Variants in CENPP observed in about 807,000 individuals in gnomAD.
CENPP encodes the protein centromere protein P.
CENPP carries 24 observed loss-of-function variants against 35.6 expected under a neutral mutation model. That is an observed-to-expected ratio of 0.67 (90% CI 0.49 to 0.95). CENPP has a LOEUF of 0.95. Among genes scored for constraint, CENPP ranks in the 40% least tolerant of loss-of-function variants. The pLI, the probability that CENPP is intolerant of heterozygous loss-of-function variation, is 0.00. For missense variants in CENPP, 332 were observed against 345.3 expected, an observed-to-expected ratio of 0.96 and a Z score of 0.31; for synonymous variants, 120 against 125.5, an observed-to-expected ratio of 0.96 and a Z score of 0.29.
intron 5 of CENPP, among the ~76,000 whole-genome samples, chr9:92,513,430 G>A (rs765300697): frequency 1.4e-4 from 21 of 152,170 alleles, no homozygotes; most frequent in Admixed American, 2.6e-4. Flanking sequence ...TACCATATCC[G>A]CAGTCCCACT....
intron 5 of CENPP, among the ~76,000 whole-genome samples, chr9:92,554,444 A>G (rs1408769825): frequency 1.3e-5 from 2 of 152,068 alleles, no homozygotes; most frequent in Non-Finnish European, 2.9e-5. Flanking sequence ...CACCCTCCCA[A>G]AGTGCTGGGA....
intron 5 of CENPP, among the ~76,000 whole-genome samples, chr9:92,426,100 C>T (rs1280423594): frequency 1.3e-5 from 2 of 151,978 alleles, no homozygotes; most frequent in Non-Finnish European, 2.9e-5. Context: ...TTGGCAGTGT[C>T]TATCTAGGAG....
At chr9:92,485,926 G>A (rs934856150) in intron 5 of CENPP, among the ~76,000 whole-genome samples, 2 of 152,202 alleles carry the variant, frequency 1.3e-5, no homozygotes, top group African/African-American at 4.8e-5. Context: ...CAAAAAAGTA[G>A]GCAGTTTGAA....
At chr9:92,596,396 AAGCCCTGG>A (rs761095956) in intron 5 of CENPP, among the ~76,000 whole-genome samples, 36 of 147,506 alleles carry the variant, frequency 2.4e-4, no homozygotes, top group Non-Finnish European at 1.3e-4. Flanking sequence ...GGGCCAAGCC[AAGCCCTGG>A]AGTTCAAGGC....
chr9:92,381,353 G>A (rs920844377), intron 5 of CENPP, among the ~76,000 whole-genome samples: 3 of 151,300 alleles, frequency 2.0e-5, no homozygotes, highest in Middle Eastern at 3.4e-3. Context: ...GTGCAGTCAC[G>A]GCTCATGGCA....
chr9:92,500,818 ATAAT>A (rs982943174), intron 5 of CENPP: 3 of 1,614,234 alleles, frequency 1.9e-6, no homozygotes, highest in African/African-American at 2.7e-5. Context: ...TGATCCAGAA[ATAAT>A]TCTCTCAGAG....
At chr9:92,460,517 T>C in intron 5 of CENPP, 1 of 1,607,336 alleles carries the variant, frequency 6.2e-7, no homozygotes, top group African/African-American at 1.3e-5. Flanking sequence ...AGTTCCACTG[T>C]TGAAATTTTA....
intron 5 of CENPP, chr9:92,522,647 A>G: frequency 6.2e-7 from 1 of 1,614,020 alleles, no homozygotes; most frequent in Non-Finnish European, 8.5e-7. Context: ...TCCATGCTAT[A>G]ATCAAAGTTA....
chr9:92,612,405 G>T, intron 6 of CENPP, 118 bp from the exon 7 acceptor site: 1 of 741,930 alleles, frequency 1.3e-6, no homozygotes. Flanking sequence ...GCTGTGGATT[G>T]GGGTTTCTAG....
At position 92,405,646 on chromosome 9, in the gene CENPP, ATTTGT is replaced by A. The variant is rs141562386; in HGVS notation, c.564+25793_564+25797del. On this transcript the variant is annotated intron_variant, in intron 5 of 7. Transcript: ENST00000375587. ...TATAATAATGAAACAACAGACATTG[ATTTGT>A]TTTGTATTGTGTGGCAAGTTAACAA... 5.3e-3 allele frequency among the ~76,000 whole-genome samples: 807 copies of A among 152,306 alleles called. 7 individuals carry two copies. The highest frequency in any genetic ancestry group is 0.018 in the African/African-American group (765 of 41,576).
intron 5 of CENPP, among the ~76,000 whole-genome samples, chr9:92,546,948 CATAACT>C (rs1174224959): frequency 6.6e-6 from 1 of 152,100 alleles, no homozygotes; most frequent in Non-Finnish European, 1.5e-5. Flanking sequence ...TTAAGACCAG[CATAACT>C]ATATTACAAA....
At chr9:92,344,091 A>G (rs998053027) in intron 3 of CENPP, among the ~76,000 whole-genome samples, 2 of 152,106 alleles carry the variant, frequency 1.3e-5, no homozygotes, top group Non-Finnish European at 2.9e-5. Context: ...GTAGAAAGGA[A>G]TGTGGTACTG....
chr9:92,500,732 C>T, intron 5 of CENPP: 2 of 1,608,066 alleles, frequency 1.2e-6, no homozygotes, highest in Non-Finnish European at 1.7e-6. Context: ...TTTACCGTAT[C>T]TTGTTGTTGT....
chr9:92,599,512 G>A (rs919429553), intron 5 of CENPP, among the ~76,000 whole-genome samples: 8 of 152,044 alleles, frequency 5.3e-5, no homozygotes, highest in African/African-American at 1.9e-4. Flanking sequence ...TGCCTTCCAG[G>A]GTCAAGTGAT....
chr9:92,507,167 C>G (rs1407259965), intron 5 of CENPP, among the ~76,000 whole-genome samples: 1 of 152,168 alleles, frequency 6.6e-6, no homozygotes, highest in Non-Finnish European at 1.5e-5. Flanking sequence ...CCACATTTTA[C>G]AAAGGTTAAC....
intron 4 of CENPP, among the ~76,000 whole-genome samples, chr9:92,375,954 G>C (rs551389206): frequency 3.3e-5 from 5 of 150,426 alleles, no homozygotes; most frequent in Admixed American, 2.7e-4. Flanking sequence ...TGAATATTAT[G>C]ATGGGCAAAA....
chr9:92,459,624 T>C (rs374799886), intron 5 of CENPP: 2 of 1,611,420 alleles, frequency 1.2e-6, no homozygotes, highest in Non-Finnish European at 1.7e-6. Flanking sequence ...ACAAGTAGAA[T>C]GTTTTACCTG....
At chr9:92,514,554 C>T (rs573673005) in intron 5 of CENPP, 26 of 1,506,544 alleles carry the variant, frequency 1.7e-5, no homozygotes, top group African/African-American at 5.6e-5. Context: ...AGATTATAGG[C>T]GTGAGCCACC....
chr9:92,456,502 TTA>T (rs1844882651), intron 5 of CENPP: 1 of 152,630 alleles, frequency 6.6e-6, no homozygotes, highest in Non-Finnish European at 1.5e-5. Flanking sequence ...AGTGGCAATG[TTA>T]TATAGCCTAA....
Sources: gnomAD v4.1 joint callset for allele counts (sites outside exome capture counted in the v4.1 genomes callset) on GRCh38, gnomAD v4.1.1 for gene constraint, MANE v1.5 for transcripts, NCBI Gene and HGNC (gene_info 2026-07-23, HGNC 2026-07-21) for gene names.